Variants in ARK2N observed in about 807,000 individuals in gnomAD.
ARK2N encodes arkadia (RNF111) N-terminal like PKA signaling regulator 2N, also known as protein ARK2N.
chr18:46,180,703 C>CA, the ARK2N span, among the ~76,000 whole-genome samples: 2,339 of 141,732 alleles, frequency 0.017, 33 homozygotes, highest in African/African-American at 0.04. Context: ...AACTCTGTCT[C>CA]AAAAAAAAAA....
the ARK2N span, chr18:46,218,372 A>G: frequency 6.6e-6 from 1 of 152,220 alleles, no homozygotes; most frequent in African/African-American, 2.4e-5. Context: ...TGTTCACACC[A>G]TTTAGTAACT....
At chr18:46,248,043 A>G in the ARK2N span, among the ~76,000 whole-genome samples, 1 of 152,230 alleles carries the variant, frequency 6.6e-6, no homozygotes, top group African/African-American at 2.4e-5. Flanking sequence ...AGTATTCATG[A>G]TAGCAGGACT....
the ARK2N span, among the ~76,000 whole-genome samples, chr18:46,175,008 G>A: frequency 6.6e-6 from 1 of 152,210 alleles, no homozygotes; most frequent in East Asian, 1.9e-4. Context: ...CTTCTGGGGA[G>A]TTTGTCAACT....
chr18:46,239,968 A>T, the ARK2N span: 1 of 1,590,018 alleles, frequency 6.3e-7, no homozygotes, highest in Non-Finnish European at 8.6e-7. Flanking sequence ...TTCACCCCAC[A>T]CGTTAGATAC....
chr18:46,245,025 G>A, the ARK2N span, among the ~76,000 whole-genome samples: 4 of 151,840 alleles, frequency 2.6e-5, no homozygotes, highest in South Asian at 4.2e-4. Flanking sequence ...CTGCCTCCTC[G>A]TTCAAGTGAT....
At chr18:46,225,910 C>T in the ARK2N span, among the ~76,000 whole-genome samples, 1 of 152,092 alleles carries the variant, frequency 6.6e-6, no homozygotes, top group Non-Finnish European at 1.5e-5. Flanking sequence ...ATAGTGGGAG[C>T]CATCCTCTTC....
At chr18:46,262,879 T>G in the ARK2N span, 1 of 1,573,492 alleles carries the variant, frequency 6.4e-7, no homozygotes, top group Non-Finnish European at 8.7e-7. Flanking sequence ...TGTCTTCTGT[T>G]TTTCCTGTGG....
chr18:46,221,555 T>TAA, the ARK2N span, among the ~76,000 whole-genome samples: 87,125 of 132,784 alleles, frequency 0.66, 29,391 homozygotes, highest in Non-Finnish European at 0.74. Context: ...AAGACTCCAT[T>TAA]AAAAAAAAAA....
chr18:46,264,387 C>G, the ARK2N span: 1 of 152,624 alleles, frequency 6.6e-6, no homozygotes, highest in East Asian at 1.9e-4. Context: ...GTACTCTGCA[C>G]AGGGGGAGTG....
the ARK2N span, among the ~76,000 whole-genome samples, chr18:46,183,887 G>T: frequency 6.6e-6 from 1 of 151,940 alleles, no homozygotes; most frequent in Admixed American, 6.6e-5. Flanking sequence ...GCAGTGGCGC[G>T]ATCTCAGCTC....
At chr18:46,221,717 T>A in the ARK2N span, among the ~76,000 whole-genome samples, 2 of 152,212 alleles carry the variant, frequency 1.3e-5, no homozygotes, top group Non-Finnish European at 2.9e-5. Context: ...TGAGGCTTTT[T>A]AACCTTTTGG....
At chr18:46,217,387 C>G in the ARK2N span, 1 of 152,114 alleles carries the variant, frequency 6.6e-6, no homozygotes, top group African/African-American at 2.4e-5. Context: ...GTAGTGAATT[C>G]TTATTATCCA....
At chr18:46,259,908 A>C in the ARK2N span, among the ~76,000 whole-genome samples, 2 of 22,024 alleles carry the variant, frequency 9.1e-5, no homozygotes, top group Admixed American at 4.7e-4. Flanking sequence ...TGCGACAGAG[A>C]TGGGGTTTCA....
At chr18:46,180,155 G>A in the ARK2N span, among the ~76,000 whole-genome samples, 1 of 152,118 alleles carries the variant, frequency 6.6e-6, no homozygotes, top group Non-Finnish European at 1.5e-5. Flanking sequence ...TTTCATGTCT[G>A]TTCAAAATAA....
At chr18:46,211,685 G>A in the ARK2N span, among the ~76,000 whole-genome samples, 6 of 152,170 alleles carry the variant, frequency 3.9e-5, no homozygotes, top group African/African-American at 7.2e-5. Context: ...GGAAATGAGA[G>A]GGAGATGAGC....
chr18:46,246,772 G>A, the ARK2N span, among the ~76,000 whole-genome samples: 21 of 144,310 alleles, frequency 1.5e-4, no homozygotes, highest in South Asian at 4.5e-4. Flanking sequence ...GCCAAACCCC[G>A]TCTCTACTAA....
chr18:46,180,153 C>T, the ARK2N span, among the ~76,000 whole-genome samples: 1 of 152,150 alleles, frequency 6.6e-6, no homozygotes, highest in Admixed American at 6.6e-5. Context: ...TCTTTCATGT[C>T]TGTTCAAAAT....
At chr18:46,212,621 T>C in the ARK2N span, among the ~76,000 whole-genome samples, 1 of 152,154 alleles carries the variant, frequency 6.6e-6, no homozygotes, top group Admixed American at 6.5e-5. Context: ...TTTGAGCATA[T>C]TTAAGTGGTT....
At chr18:46,209,250 C>T in the ARK2N span, among the ~76,000 whole-genome samples, 8 of 149,138 alleles carry the variant, frequency 5.4e-5, no homozygotes, top group Admixed American at 2.7e-4. Flanking sequence ...GTTTTAATCT[C>T]TGTCAGATTC....
Sources: allele counts gnomAD v4.1 joint callset (sites outside exome capture counted in the v4.1 genomes callset), GRCh38; gene constraint gnomAD v4.1.1; transcripts MANE v1.5; gene names NCBI Gene and HGNC (gene_info 2026-07-23, HGNC 2026-07-21).